Variants in MIB1 observed in about 807,000 individuals in gnomAD.
MIB1 encodes the protein MIB E3 ubiquitin protein ligase 1, also known as E3 ubiquitin-protein ligase MIB1.
In MIB1, 278 loss-of-function variants were observed where a neutral mutation model predicts 124.5. The ratio of observed to expected loss-of-function variants is 2.23; its 90% CI spans 2.02 to 2.47. The LOEUF (loss-of-function observed/expected upper bound fraction) is 2.47, where lower values mean the gene tolerates loss of function less well. MIB1 is among the 30% of genes most tolerant of loss of function. The pLI, the probability that MIB1 is intolerant of heterozygous loss-of-function variation, is 0.00. For synonymous variants in MIB1, 446 were observed against 429.4 expected, an observed-to-expected ratio of 1.04 and a Z score of -0.48; for missense variants, 957 against 1,254.4, an observed-to-expected ratio of 0.76 and a Z score of 3.58.
chr18:21,802,729 G>A (rs1046485650), intron 9 of MIB1, among the ~76,000 whole-genome samples: 36 of 152,096 alleles, frequency 2.4e-4, no homozygotes, highest in African/African-American at 8.5e-4. Context: ...TCCAATCCTT[G>A]GTTGTCCATT....
At chr18:21,766,692 GTTAT>G (rs1479989270) in intron 2 of MIB1, among the ~76,000 whole-genome samples, 2 of 151,996 alleles carry the variant, frequency 1.3e-5, no homozygotes, top group Non-Finnish European at 2.9e-5. Flanking sequence ...GAACAAGTTG[GTTAT>G]TTTTGTCTTT....
chr18:21,722,537 A>AT (rs2146359032), intron 1 of MIB1, among the ~76,000 whole-genome samples: 1 of 147,938 alleles, frequency 6.8e-6, no homozygotes, highest in African/African-American at 2.5e-5. Context: ...CACCCTGCTA[A>AT]TTTTTGTATT....
chr18:21,853,028 T>C, intron 17 of MIB1, 112 bp from the exon 18 acceptor site: 1 of 686,090 alleles, frequency 1.5e-6, no homozygotes, highest in Middle Eastern at 2.5e-4. Context: ...TAAATTTCTC[T>C]GTGCCTAGGT....
At chr18:21,777,401 T>C (rs2041302195) in intron 4 of MIB1, among the ~76,000 whole-genome samples, 2 of 151,958 alleles carry the variant, frequency 1.3e-5, no homozygotes, top group African/African-American at 4.8e-5. Context: ...AGAGCAAGAC[T>C]CTGTCACACA....
chr18:21,745,775 C>T (rs978574407), intron 1 of MIB1, among the ~76,000 whole-genome samples: 12 of 152,148 alleles, frequency 7.9e-5, no homozygotes, highest in South Asian at 6.2e-4. Context: ...GGTGTGACCT[C>T]GGCTCACTGC....
At chr18:21,729,233 A>G (rs953696708) in intron 1 of MIB1, among the ~76,000 whole-genome samples, 6 of 152,236 alleles carry the variant, frequency 3.9e-5, no homozygotes, top group Admixed American at 6.5e-5. Context: ...TCCCTCAACA[A>G]ATCTGGGCTT....
intron 1 of MIB1, among the ~76,000 whole-genome samples, chr18:21,749,092 A>G (rs1468880918): frequency 6.6e-6 from 1 of 151,908 alleles, no homozygotes; most frequent in Non-Finnish European, 1.5e-5. Flanking sequence ...TACTGTATAC[A>G]TAGTTTGTTT....
chr18:21,768,844 T>C, intron 3 of MIB1, 92 bp downstream of exon 3: 1 of 1,082,778 alleles, frequency 9.2e-7, no homozygotes, highest in Non-Finnish European at 1.2e-6. Flanking sequence ...CTTGGTCCAT[T>C]GTTTTCCATG....
chr18:21,836,127 A>T (rs915436274), intron 12 of MIB1, among the ~76,000 whole-genome samples: 5 of 151,494 alleles, frequency 3.3e-5, no homozygotes, highest in African/African-American at 4.9e-5. Context: ...GGTGGCATGT[A>T]CCCATACTCC....
intron 6 of MIB1, among the ~76,000 whole-genome samples, chr18:21,782,127 T>G (rs974222362): frequency 2.0e-5 from 3 of 152,106 alleles, no homozygotes; most frequent in African/African-American, 7.2e-5. Flanking sequence ...TAAATTATTA[T>G]TATTATTTTT....
chr18:21,835,906 C>A (rs1040354022), intron 12 of MIB1, among the ~76,000 whole-genome samples: 1 of 147,544 alleles, frequency 6.8e-6, no homozygotes, highest in African/African-American at 2.5e-5. Context: ...TTTGAGTATA[C>A]ATCTATAATC....
chr18:21,819,588 A>C lies in MIB1; in HGVS notation c.1771A>C (p.Ile591Leu). The stretch of plus-strand genomic sequence containing the variant: ...TTTGGAAGCTGGAGCAGATGTTACC[A>C]TCACAAACAATAATGGATTTAATGC... ...VLLEAGADVTITNNNGFNALH... is the reference protein window; with the variant it reads ...VLLEAGADVTLTNNNGFNALH... Residue 591 changes from isoleucine to leucine, a missense_variant, in exon 12 of 21, where the codon ATC becomes CTC. By Grantham distance (5) the Ile-to-Leu change is conservative. Transcript: ENST00000261537. The C allele has an allele frequency of 6.2e-7, 1 of 1,612,356 alleles. No individual in the cohort carries two copies. The highest frequency in any genetic ancestry group is 8.5e-7 in the Non-Finnish European group (1 of 1,179,080).
chr18:21,816,727 G>T (rs1382226848), intron 11 of MIB1, among the ~76,000 whole-genome samples: 1 of 152,176 alleles, frequency 6.6e-6, no homozygotes, highest in Non-Finnish European at 1.5e-5. Context: ...ATAAAGAACA[G>T]TAGTAGTGGG....
intron 9 of MIB1, among the ~76,000 whole-genome samples, chr18:21,800,583 C>G (rs2041640000): frequency 6.6e-6 from 1 of 152,048 alleles, no homozygotes; most frequent in Admixed American, 6.6e-5. Context: ...GCATTGATAC[C>G]TTGCTGGCAC....
intron 1 of MIB1, among the ~76,000 whole-genome samples, chr18:21,732,711 A>T (rs553659282): frequency 1.6e-4 from 25 of 152,218 alleles, no homozygotes; most frequent in Admixed American, 3.9e-4. Flanking sequence ...GAAACAAACG[A>T]TTTTTTAAGA....
chr18:21,791,467 A>G lies in MIB1; in HGVS notation c.1002A>G (p.Gln334=). The change falls in exon 7 of 21, where the codon CAA becomes CAG. Residue 334 remains glutamine, a synonymous_variant. Transcript: ENST00000261537. ...QGAEGGTSQF[Q]VGDLVQVCYD... ...CAGAAGGAGGCACCTCGCAGTTTCA[A>G]GTGGGTGATCTTGTACAAGTTTGTT... is the stretch of plus-strand genomic sequence containing the variant. 3 of 1,614,092 alleles carry G rather than the reference A, an allele frequency of 1.9e-6. No individual in the cohort carries two copies. Among genetic ancestry groups the G allele is most frequent in the South Asian group, 1.1e-5 (1 of 91,072 alleles).
At chr18:21,841,215 A>T (rs1388647031) in intron 13 of MIB1, among the ~76,000 whole-genome samples, 1 of 152,040 alleles carries the variant, frequency 6.6e-6, no homozygotes, top group South Asian at 2.1e-4. Context: ...AAAATGCAAA[A>T]ATTAGCCAGG....
At chr18:21,801,680 A>ACT (rs1330299051) in intron 9 of MIB1, among the ~76,000 whole-genome samples, 1 of 152,096 alleles carries the variant, frequency 6.6e-6, no homozygotes, top group African/African-American at 2.4e-5. Flanking sequence ...ATTTGTTAGT[A>ACT]ATCTGTATTC....
intron 20 of MIB1, among the ~76,000 whole-genome samples, chr18:21,859,886 C>CAAAA (rs934260189): frequency 3.5e-5 from 1 of 28,408 alleles, no homozygotes; most frequent in African/African-American, 1.3e-4. Flanking sequence ...GAGACTGTCT[C>CAAAA]AAAAAAAAAA....
Sources: allele counts gnomAD v4.1 joint callset (sites outside exome capture counted in the v4.1 genomes callset), GRCh38; gene constraint gnomAD v4.1.1; transcripts MANE v1.5; gene names NCBI Gene and HGNC (gene_info 2026-07-23, HGNC 2026-07-21).